GRM7: variants seen among roughly 807,000 people sequenced by gnomAD.
The protein encoded by GRM7 is metabotropic glutamate receptor 7.
A neutral mutation model predicts 84.5 loss-of-function variants in GRM7; 35 were observed. That is an observed-to-expected ratio of 0.41 (90% CI 0.32 to 0.55). The LOEUF (loss-of-function observed/expected upper bound fraction) is 0.55, where lower values mean the gene tolerates loss of function less well. Ranked by LOEUF, GRM7 falls within the 20% of genes least tolerant of loss-of-function variation. GRM7 has a pLI of 0.19. For synonymous variants in GRM7, 487 were observed against 455.1 expected (o/e 1.07, Z -0.89); for missense variants, 1,003 against 1,194.6 (o/e 0.84, Z 2.36).
intron 7 of GRM7, among the ~76,000 whole-genome samples, chr3:7,495,154 T>C (rs1376190384): frequency 6.6e-6 from 1 of 152,166 alleles, no homozygotes; most frequent in Non-Finnish European, 1.5e-5. Flanking sequence ...AATGGCAGTT[T>C]AATTTCTGGA....
intron 2 of GRM7, among the ~76,000 whole-genome samples, chr3:7,206,600 AG>A (rs1482773534): frequency 6.6e-6 from 1 of 152,172 alleles, no homozygotes; most frequent in African/African-American, 2.4e-5. Flanking sequence ...ATCTTGGACC[AG>A]GAAAAAAATA....
chr3:7,325,823 T>C (rs183873664), intron 4 of GRM7, among the ~76,000 whole-genome samples: 78 of 152,278 alleles, frequency 5.1e-4, no homozygotes, highest in Middle Eastern at 3.4e-3. Flanking sequence ...AATTAAAACA[T>C]TGGGTATTTA....
At chr3:7,118,162 G>T (rs954293705) in intron 1 of GRM7, among the ~76,000 whole-genome samples, 1 of 152,064 alleles carries the variant, frequency 6.6e-6, no homozygotes, top group African/African-American at 2.4e-5. Context: ...AAGGTGGGAG[G>T]ATCACTTGAG....
chr3:7,076,768 A>G (rs1223721480), intron 1 of GRM7, among the ~76,000 whole-genome samples: 1 of 152,190 alleles, frequency 6.6e-6, no homozygotes, highest in Non-Finnish European at 1.5e-5. Flanking sequence ...ATATAATAAA[A>G]GAAACTATCA....
rs935944311 is a variant in GRM7 at position 7,452,943 on chromosome 3, T to G, written c.1375+136T>G. The G allele has an allele frequency of 8.4e-5, 52 of 619,986 alleles. 1 individual carries two copies. Among genetic ancestry groups the G allele is most frequent in the Non-Finnish European group, 1.3e-4 (46 of 348,848 alleles). 38.4% of individuals were successfully genotyped at this position (619,986 alleles called of 1,614,324 possible). On this transcript the variant is annotated intron_variant, in intron 6 of 9. Coordinates refer to ENST00000357716, the MANE Select transcript of GRM7 (RefSeq NM_000844.4). ...GATTATAAAACTTTAAATGATTGAA[T>G]CAATGCATGAATGAGCAAATGAATG...
At chr3:7,668,272 C>T (rs1435523101) in intron 8 of GRM7, among the ~76,000 whole-genome samples, 2 of 152,176 alleles carry the variant, frequency 1.3e-5, no homozygotes, top group African/African-American at 4.8e-5. Context: ...GTGATTATGC[C>T]AGGCATGGAG....
intron 2 of GRM7, among the ~76,000 whole-genome samples, chr3:7,218,963 T>C (rs1384440647): frequency 1.3e-5 from 2 of 152,160 alleles, no homozygotes; most frequent in Non-Finnish European, 2.9e-5. Context: ...GATAATATAT[T>C]GGTTATTTTT....
chr3:6,946,247 G>A (rs1316072086), intron 1 of GRM7, among the ~76,000 whole-genome samples: 1 of 152,150 alleles, frequency 6.6e-6, no homozygotes, highest in Non-Finnish European at 1.5e-5. Flanking sequence ...TAAGGTGTAA[G>A]GAAGGGATCC....
At chr3:7,659,771 C>T (rs143671930) in intron 8 of GRM7, among the ~76,000 whole-genome samples, 2 of 152,242 alleles carry the variant, frequency 1.3e-5, no homozygotes, top group East Asian at 1.9e-4. Context: ...ATTTTCAACA[C>T]GGTAAGATGT....
chr3:7,574,367 C>A (rs1442896515), intron 7 of GRM7, among the ~76,000 whole-genome samples: 2 of 152,096 alleles, frequency 1.3e-5, no homozygotes, highest in African/African-American at 4.8e-5. Context: ...ACTATGTTGG[C>A]CAGGCTGGTC....
intron 7 of GRM7, among the ~76,000 whole-genome samples, chr3:7,489,140 T>A (rs751198727): frequency 6.6e-6 from 1 of 152,306 alleles, no homozygotes; most frequent in Non-Finnish European, 1.5e-5. Context: ...TATGGATACA[T>A]ATTTTTAAAA....
chr3:7,294,746 C>T (rs773832775), intron 2 of GRM7, among the ~76,000 whole-genome samples: 2 of 152,104 alleles, frequency 1.3e-5, no homozygotes, highest in Non-Finnish European at 2.9e-5. Flanking sequence ...ACCTGGGAAC[C>T]TGTTCCAATT....
chr3:7,059,405 A>T (rs1697349547), intron 1 of GRM7, among the ~76,000 whole-genome samples: 1 of 151,764 alleles, frequency 6.6e-6, no homozygotes, highest in African/African-American at 2.4e-5. Context: ...AAAACTAGAA[A>T]GGTCTTTATA....
chr3:6,961,816 G>T (rs1384873364), intron 1 of GRM7, among the ~76,000 whole-genome samples: 1 of 151,970 alleles, frequency 6.6e-6, no homozygotes, highest in Non-Finnish European at 1.5e-5. Flanking sequence ...TCCTCATGCA[G>T]TTATTTCTTC....
intron 8 of GRM7, among the ~76,000 whole-genome samples, chr3:7,584,861 A>G (rs1695436008): frequency 6.6e-6 from 1 of 152,236 alleles, no homozygotes; most frequent in African/African-American, 2.4e-5. Context: ...TGTTTAATTT[A>G]GAAAATAACA....
chr3:7,349,871 C>A (rs1226199312), intron 4 of GRM7, among the ~76,000 whole-genome samples: 1 of 151,882 alleles, frequency 6.6e-6, no homozygotes, highest in Non-Finnish European at 1.5e-5. Flanking sequence ...AGGTTAGATT[C>A]CTCCTCTTTT....
intron 1 of GRM7, among the ~76,000 whole-genome samples, chr3:6,898,280 G>A (rs1438471241): frequency 6.6e-6 from 1 of 152,042 alleles, no homozygotes; most frequent in East Asian, 1.9e-4. Flanking sequence ...GGTAGAACTG[G>A]CATTTGAATT....
In GRM7 at chr3:7,197,699, G is replaced by GT. The variant is rs5846495; in HGVS notation, c.736+51044dup. Among the ~76,000 whole-genome samples the GT allele has an allele frequency of 4.2e-3, 619 of 147,168 alleles. 1 individual carries two copies. The highest frequency in any genetic ancestry group is 9.3e-3 in the African/African-American group (378 of 40,654). ...AAGGAAAAAATACTTTTTACGACAA[G>GT]TTTTTTTTTTTTTCTAGTTTAACCA... On this transcript the variant is annotated intron_variant, in intron 2 of 9. Coordinates refer to ENST00000357716, the MANE Select transcript of GRM7 (RefSeq NM_000844.4).
intron 7 of GRM7, among the ~76,000 whole-genome samples, chr3:7,496,451 A>G (rs1028782234): frequency 2.0e-5 from 3 of 152,192 alleles, no homozygotes; most frequent in Non-Finnish European, 4.4e-5. Flanking sequence ...TTAAAAAATG[A>G]TGTCATAAAA....
Sources: gnomAD v4.1 joint callset for allele counts (sites outside exome capture counted in the v4.1 genomes callset) on GRCh38, gnomAD v4.1.1 for gene constraint, MANE v1.5 for transcripts, NCBI Gene and HGNC (gene_info 2026-07-23, HGNC 2026-07-21) for gene names.